Variants in MCF2L observed in about 807,000 individuals in gnomAD.
MCF2L encodes MCF.2 cell line derived transforming sequence like.
MCF2L carries 97 observed loss-of-function variants against 153.4 expected under a neutral mutation model. The observed-to-expected ratio is 0.63, with a 90% CI of 0.54 to 0.75. The LOEUF (loss-of-function observed/expected upper bound fraction) is 0.75, where lower values mean the gene tolerates loss of function less well. Ranked by LOEUF, MCF2L falls within the 30% of genes least tolerant of loss-of-function variation. The pLI, the probability that MCF2L is intolerant of heterozygous loss-of-function variation, is 0.00. For synonymous variants in MCF2L, 659 were observed against 632.2 expected, an observed-to-expected ratio of 1.04 and a Z score of -0.64; for missense variants, 1,347 against 1,495.2, an observed-to-expected ratio of 0.90 and a Z score of 1.64.
chr13:113,087,294 CCACAAGAGGGGCCA>C lies in MCF2L; in HGVS notation c.2437_2450del (p.Lys813GlnfsTer36). On this transcript the variant is annotated frameshift_variant, in exon 22 of 30. Transcript: ENST00000535094. LOFTEE classifies it high-confidence loss of function. ...AGGGCTCGTTCAGCGTCTGGACCGA[CCACAAGAGGGGCCA>C]CACCAAGGTGAAGGAGCTGGCCAGG... 3 of 1,613,176 alleles carry C rather than the reference CCACAAGAGGGGCCA, an allele frequency of 1.9e-6. No homozygotes were observed. The highest frequency in any genetic ancestry group is 2.5e-6 in the Non-Finnish European group (3 of 1,180,034).
chr13:112,935,206 G>A (rs9549321), intron 2 of MCF2L, among the ~76,000 whole-genome samples: 7,574 of 152,156 alleles, frequency 0.05, 257 homozygotes, highest in South Asian at 0.08. Flanking sequence ...ATACCCATAC[G>A]GCCATTCTGC....
intron 3 of MCF2L, among the ~76,000 whole-genome samples, chr13:113,025,862 G>A (rs111305418): frequency 0.023 from 1,954 of 85,720 alleles, 41 homozygotes; most frequent in South Asian, 0.051. Flanking sequence ...TGGGGTCCCC[G>A]TGACTGTGGG....
At chr13:113,018,085 C>G (rs367899912) in intron 2 of MCF2L, among the ~76,000 whole-genome samples, 19 of 152,324 alleles carry the variant, frequency 1.2e-4, no homozygotes, top group African/African-American at 4.1e-4. Context: ...CGCACAGGTG[C>G]CACGCAGAAC....
Position 113,027,182 on chromosome 13 carries a change from G to C in MCF2L, c.278+2424G>C, listed in dbSNP as rs1481083052. On this transcript the variant is annotated intron_variant, in intron 3 of 29. Transcript: ENST00000535094. This position sits in a 1 kb window ranked among gnomAD's most constrained non-coding sequence, Gnocchi z 4.8. ...TACCGTGAAGGTTCTTCATTCTTCA[G>C]TCTTTAAAGACAACAGCGCACTGGG... is the stretch of plus-strand genomic sequence containing the variant. The C allele has an allele frequency of 3.1e-6, 2 of 646,222 alleles. No homozygotes were observed. The highest frequency in any genetic ancestry group is 3.6e-5 in the African/African-American group (2 of 56,084). 40.0% of individuals were successfully genotyped at this position (646,222 alleles called of 1,614,324 possible). A position where few individuals can be genotyped will look rare whatever the true frequency, so the allele number is the denominator to read the frequency against.
chr13:113,061,559 G>A (rs1163584359), intron 5 of MCF2L, among the ~76,000 whole-genome samples: 2 of 152,062 alleles, frequency 1.3e-5, no homozygotes, highest in Admixed American at 6.5e-5. Flanking sequence ...TGTGCGCTGG[G>A]AATCAGGTGG....
chr13:112,919,416 G>A (rs193105611), intron 2 of MCF2L, among the ~76,000 whole-genome samples: 5,099 of 151,586 alleles, frequency 0.034, 173 homozygotes, highest in East Asian at 0.16. Flanking sequence ...CGTTTTAGCC[G>A]GGATGCTCTC....
chr13:113,017,652 G>T (rs528495742), intron 2 of MCF2L, among the ~76,000 whole-genome samples: 1 of 151,834 alleles, frequency 6.6e-6, no homozygotes, highest in Non-Finnish European at 1.5e-5. Flanking sequence ...CTCCCCTCCC[G>T]CCCCAGCATC....
intron 4 of MCF2L, among the ~76,000 whole-genome samples, chr13:113,048,088 C>T (rs1318707715): frequency 6.6e-6 from 1 of 152,228 alleles, no homozygotes; most frequent in Non-Finnish European, 1.5e-5. Context: ...TGCGAGGTCA[C>T]CCTACAGGAT....
At chr13:113,065,462 G>A (rs1255303450) in intron 7 of MCF2L, among the ~76,000 whole-genome samples, 1 of 152,262 alleles carries the variant, frequency 6.6e-6, no homozygotes, top group Admixed American at 6.5e-5. Flanking sequence ...TTGCTTCTGA[G>A]TGTGACCGAG....
At chr13:113,095,092 A>AT (rs2035539311) in intron 27 of MCF2L, 1 of 1,358,088 alleles carries the variant, frequency 7.4e-7, no homozygotes, top group African/African-American at 1.5e-5. Context: ...TATACATACA[A>AT]TTCTCATTTT....
chr13:113,047,604 G>A (rs191939275), intron 4 of MCF2L, among the ~76,000 whole-genome samples: 1 of 152,376 alleles, frequency 6.6e-6, no homozygotes, highest in African/African-American at 2.4e-5. Flanking sequence ...CCATCAGGAC[G>A]ACTCTTAGCA....
chr13:113,078,767 A>G lies in MCF2L; in HGVS notation c.1808+28A>G, dbSNP rs558123296. 8 of 1,574,814 alleles carry G rather than the reference A, an allele frequency of 5.1e-6. No individual in the cohort carries two copies. The Admixed American group carries it at 5.3e-5, about 11-fold the overall frequency. On this transcript the variant is annotated intron_variant, in intron 15 of 29. Coordinates refer to ENST00000535094, the MANE Select transcript of MCF2L (RefSeq NM_001112732.3). ...GGGTGCGCTGCCCTTCTGTCCTCAC[A>G]GGGGCCCTCCGACCGCAGCCTGAAC...
At chr13:113,023,752 C>G (rs772856421) in intron 2 of MCF2L, among the ~76,000 whole-genome samples, 1 of 152,186 alleles carries the variant, frequency 6.6e-6, no homozygotes, top group African/African-American at 2.4e-5. Flanking sequence ...CTGACTGTGT[C>G]CTCTGCTCAG....
chr13:112,909,338 T>C, intron 2 of MCF2L: 1 of 779,302 alleles, frequency 1.3e-6, no homozygotes. Flanking sequence ...TTCACCTCTG[T>C]GTCTACAGAC....
upstream of MCF2L, among the ~76,000 whole-genome samples, chr13:112,968,980 G>C (rs918684950): frequency 1.3e-5 from 2 of 151,948 alleles, no homozygotes; most frequent in Admixed American, 1.3e-4. Context: ...GACACTTCCA[G>C]GTGACCGCGG....
chr13:112,990,207 C>T (rs530650091), intron 1 of MCF2L, among the ~76,000 whole-genome samples: 1 of 152,124 alleles, frequency 6.6e-6, no homozygotes, highest in Non-Finnish European at 1.5e-5. Context: ...CCTGAAAGTG[C>T]AGGAACTACC....
At chr13:113,093,266 A>G (rs1358040374) in intron 26 of MCF2L, among the ~76,000 whole-genome samples, 1 of 152,238 alleles carries the variant, frequency 6.6e-6, no homozygotes, top group Non-Finnish European at 1.5e-5. Flanking sequence ...CTGCAACCGG[A>G]AAATCACAGT....
At chr13:112,992,407 C>G (rs1359959891) in intron 1 of MCF2L, among the ~76,000 whole-genome samples, 1 of 152,188 alleles carries the variant, frequency 6.6e-6, no homozygotes, top group Non-Finnish European at 1.5e-5. Flanking sequence ...GAGGCCCAGT[C>G]GGAATGTGCC....
intron 17 of MCF2L, among the ~76,000 whole-genome samples, chr13:113,083,403 C>G (rs572057572): frequency 6.6e-6 from 1 of 152,210 alleles, no homozygotes; most frequent in Non-Finnish European, 1.5e-5. Context: ...GTCCACGGAG[C>G]TTGGGCAGAA....
Sources: allele counts gnomAD v4.1 joint callset (sites outside exome capture counted in the v4.1 genomes callset), GRCh38; gene constraint gnomAD v4.1.1; non-coding constraint Gnocchi (gnomAD v3.1); transcripts MANE v1.5; gene names NCBI Gene and HGNC (gene_info 2026-07-23, HGNC 2026-07-21).